Variants in DLGAP1 observed in about 807,000 individuals in gnomAD.
DLGAP1 encodes DLG associated protein 1, also known as disks large-associated protein 1.
A neutral mutation model predicts 90.8 loss-of-function variants in DLGAP1; 11 were observed. That is an observed-to-expected ratio of 0.12 (90% confidence interval 0.08 to 0.20). The LOEUF (loss-of-function observed/expected upper bound fraction) is 0.20. Among genes scored for constraint, DLGAP1 ranks in the 10% least tolerant of loss-of-function variants. The pLI, the probability that DLGAP1 is intolerant of heterozygous loss-of-function variation, is 1.00. For synonymous variants in DLGAP1, 558 were observed against 540.7 expected (o/e 1.03, Z -0.44); for missense variants, 1,050 against 1,333.8 (o/e 0.79, Z 3.31).
At chr18:3,955,070 CG>C (rs549709869) in intron 3 of DLGAP1, among the ~76,000 whole-genome samples, 1 of 151,862 alleles carries the variant, frequency 6.6e-6, no homozygotes, top group Non-Finnish European at 1.5e-5. Context: ...CTCCAGGCTG[CG>C]GGGGGGAAGG....
intron 2 of DLGAP1, among the ~76,000 whole-genome samples, chr18:4,080,775 C>T (rs1215774937): frequency 6.6e-6 from 1 of 152,184 alleles, no homozygotes; most frequent in African/African-American, 2.4e-5. Context: ...TTTGCTCATC[C>T]TGTGAGCCAC....
Position 3,612,149 on chromosome 18 carries a change from A to G in DLGAP1, c.1592-29901T>C, listed in dbSNP as rs1448033168. Among the ~76,000 whole-genome samples the G allele has an allele frequency of 2.0e-5, 3 of 152,230 alleles. No homozygotes were observed. In the South Asian group the frequency reaches 6.2e-4, roughly 32 times the overall value. ...GGTGGGATGATTGATTGAGCCCAGG[A>G]GTTTGAGTCCAGCCTGGGCAACATA... On this transcript the variant is annotated intron_variant, in intron 7 of 12. Coordinates refer to ENST00000315677, the MANE Select transcript of DLGAP1 (RefSeq NM_004746.4).
chr18:4,381,759 C>T (rs1021062993), intron 1 of DLGAP1, among the ~76,000 whole-genome samples: 1 of 152,162 alleles, frequency 6.6e-6, no homozygotes, highest in South Asian at 2.1e-4. Flanking sequence ...GATAGGCTCT[C>T]TTTCCACTCT....
intron 7 of DLGAP1, among the ~76,000 whole-genome samples, chr18:3,583,216 TCCTC>T (rs1263811410): frequency 1.4e-5 from 2 of 146,000 alleles, no homozygotes; most frequent in Non-Finnish European, 3.0e-5. Context: ...CTTCCTTCCC[TCCTC>T]CCTCCCTCCC....
At chr18:4,382,819 G>A (rs1489713416) in intron 1 of DLGAP1, among the ~76,000 whole-genome samples, 1 of 152,030 alleles carries the variant, frequency 6.6e-6, no homozygotes, top group Non-Finnish European at 1.5e-5. Flanking sequence ...GCATAATAAA[G>A]ATTTAAGAAA....
At chr18:3,876,855 T>C (rs535034271) in intron 4 of DLGAP1, among the ~76,000 whole-genome samples, 21 of 152,366 alleles carry the variant, frequency 1.4e-4, no homozygotes, top group African/African-American at 5.0e-4. Context: ...ATCCCATACT[T>C]AAGCCTTTAA....
At chr18:4,354,019 T>C (rs1333039355) in intron 1 of DLGAP1, among the ~76,000 whole-genome samples, 2 of 152,172 alleles carry the variant, frequency 1.3e-5, no homozygotes, top group Non-Finnish European at 2.9e-5. Flanking sequence ...AAAACAGCAG[T>C]GTGAACTGGC....
chr18:3,574,142 C>G (rs1053280174), intron 8 of DLGAP1, among the ~76,000 whole-genome samples: 2 of 152,206 alleles, frequency 1.3e-5, no homozygotes, highest in African/African-American at 4.8e-5. Context: ...ATATACTATT[C>G]TCATTCCTAA....
chr18:3,740,796 T>C (rs2062869282), intron 6 of DLGAP1, among the ~76,000 whole-genome samples: 7 of 138,036 alleles, frequency 5.1e-5, no homozygotes, highest in Admixed American at 4.4e-4. Flanking sequence ...ACCACCATCA[T>C]AACCACCACC....
intron 3 of DLGAP1, among the ~76,000 whole-genome samples, chr18:3,893,620 T>TAATAAG (rs1033515532): frequency 7.0e-5 from 10 of 143,422 alleles, no homozygotes; most frequent in African/African-American, 1.0e-4. Context: ...ATAATAATAA[T>TAATAAG]AAGAACAATT....
intron 5 of DLGAP1, among the ~76,000 whole-genome samples, chr18:3,744,879 T>C (rs1194977095): frequency 6.6e-6 from 1 of 152,150 alleles, no homozygotes; most frequent in Non-Finnish European, 1.5e-5. Flanking sequence ...TGTAACAAAC[T>C]CATTTTAAAG....
rs569125433 is a variant in DLGAP1 at position 3,846,633 on chromosome 18, G to T, written c.958-32360C>A. 3.3e-5 allele frequency among the ~76,000 whole-genome samples: 5 copies of T among 152,258 alleles called. No homozygotes were observed. In the East Asian group the frequency reaches 7.7e-4, roughly 23 times the overall value. On this transcript the variant is annotated intron_variant, in intron 4 of 12. Coordinates refer to ENST00000315677, the MANE Select transcript of DLGAP1 (RefSeq NM_004746.4). ...TTGGAATGAAAAGAAATGAAATATTGATACCTGCTATAACATGGATAAATC... is the reference window on the plus strand; with the variant it reads ...TTGGAATGAAAAGAAATGAAATATTTATACCTGCTATAACATGGATAAATC...
At chr18:3,963,652 C>T (rs1327287526) in intron 3 of DLGAP1, among the ~76,000 whole-genome samples, 1 of 140,688 alleles carries the variant, frequency 7.1e-6, no homozygotes, top group Non-Finnish European at 1.5e-5. Flanking sequence ...TGGTTCTCTG[C>T]TTCATATTTT....
intron 7 of DLGAP1, among the ~76,000 whole-genome samples, chr18:3,601,021 GAT>G (rs1257822833): frequency 7.0e-6 from 1 of 141,924 alleles, no homozygotes; most frequent in Admixed American, 7.1e-5. Context: ...TAGATATATA[GAT>G]ATATAGATAT....
At chr18:3,955,516 A>G (rs1314647858) in intron 3 of DLGAP1, among the ~76,000 whole-genome samples, 2 of 152,028 alleles carry the variant, frequency 1.3e-5, no homozygotes, top group Admixed American at 1.3e-4. Flanking sequence ...GTTCGAGGCT[A>G]GCCTGACCAA....
At chr18:4,249,054 T>C (rs2078718969) in intron 1 of DLGAP1, among the ~76,000 whole-genome samples, 1 of 152,246 alleles carries the variant, frequency 6.6e-6, no homozygotes, top group Non-Finnish European at 1.5e-5. Flanking sequence ...AGCGAGGCTG[T>C]ACCCTTCACT....
At chr18:4,105,987 G>C (rs945268410) in intron 2 of DLGAP1, among the ~76,000 whole-genome samples, 2 of 138,418 alleles carry the variant, frequency 1.4e-5, no homozygotes, top group Admixed American at 1.7e-4. Context: ...AACCGAGATC[G>C]CGCCACTGCA....
At chr18:4,160,129 G>A (rs1439408672) in intron 1 of DLGAP1, among the ~76,000 whole-genome samples, 1 of 152,192 alleles carries the variant, frequency 6.6e-6, no homozygotes, top group East Asian at 1.9e-4. Flanking sequence ...TAATCTGTGT[G>A]CAGAAGAATA....
chr18:3,537,511 AC>A (rs1176786528), intron 9 of DLGAP1, among the ~76,000 whole-genome samples: 1 of 152,200 alleles, frequency 6.6e-6, no homozygotes, highest in Non-Finnish European at 1.5e-5. Flanking sequence ...CCGTTCTTCC[AC>A]TGATGGCCAC....
Sources: allele counts gnomAD v4.1 joint callset (sites outside exome capture counted in the v4.1 genomes callset), GRCh38; gene constraint gnomAD v4.1.1; transcripts MANE v1.5; gene names NCBI Gene and HGNC (gene_info 2026-07-23, HGNC 2026-07-21).